DLGAP1: variants seen among roughly 807,000 people sequenced by gnomAD.
The protein encoded by DLGAP1 is disks large-associated protein 1.
Under a neutral mutation model 90.8 loss-of-function variants are expected in DLGAP1, and 11 were observed. The ratio of observed to expected loss-of-function variants is 0.12; its 90% CI spans 0.08 to 0.20. DLGAP1 has a LOEUF of 0.20. DLGAP1 is among the 10% of genes least tolerant of loss of function. The pLI, the probability that DLGAP1 is intolerant of heterozygous loss-of-function variation, is 1.00. For synonymous variants in DLGAP1, 558 were observed against 540.7 expected (o/e 1.03, Z -0.44); for missense variants, 1,050 against 1,333.8 (o/e 0.79, Z 3.31).
At chr18:3,838,304 ATTCT>A (rs1437245297) in intron 4 of DLGAP1, among the ~76,000 whole-genome samples, 2 of 152,232 alleles carry the variant, frequency 1.3e-5, no homozygotes, top group Non-Finnish European at 2.9e-5. Flanking sequence ...AGCTAATCAG[ATTCT>A]TTCAGTTGTT....
chr18:4,290,673 A>C (rs1484782553), intron 1 of DLGAP1, among the ~76,000 whole-genome samples: 3 of 152,202 alleles, frequency 2.0e-5, no homozygotes, highest in Admixed American at 2.0e-4. Flanking sequence ...ATAACAGTAA[A>C]ACAAGAAAAG....
chr18:3,847,397 T>G (rs1444752487), intron 4 of DLGAP1, among the ~76,000 whole-genome samples: 1 of 152,134 alleles, frequency 6.6e-6, no homozygotes, highest in African/African-American at 2.4e-5. Context: ...TGTGCCGGTG[T>G]TTTATCATGG....
intron 1 of DLGAP1, among the ~76,000 whole-genome samples, chr18:4,221,876 C>CT (rs1481490964): frequency 6.6e-6 from 1 of 152,158 alleles, no homozygotes; most frequent in East Asian, 1.9e-4. Context: ...GTGACTTTAG[C>CT]TGATCTCTCT....
chr18:4,127,592 G>A (rs1011111960), intron 2 of DLGAP1, among the ~76,000 whole-genome samples: 1 of 152,114 alleles, frequency 6.6e-6, no homozygotes, highest in Non-Finnish European at 1.5e-5. Flanking sequence ...CAGTTGACTT[G>A]ATAATGATTT....
At chr18:4,174,225 G>A (rs1202781983) in intron 1 of DLGAP1, among the ~76,000 whole-genome samples, 1 of 152,162 alleles carries the variant, frequency 6.6e-6, no homozygotes, top group South Asian at 2.1e-4. Context: ...GGCCCAAGAA[G>A]GAGCTTCCCA....
chr18:4,358,168 T>C (rs1187054855), intron 1 of DLGAP1, among the ~76,000 whole-genome samples: 1 of 152,200 alleles, frequency 6.6e-6, no homozygotes, highest in Non-Finnish European at 1.5e-5. Flanking sequence ...ATGAAGTCGA[T>C]ATTTGAGAGT....
intron 1 of DLGAP1, among the ~76,000 whole-genome samples, chr18:4,279,393 T>C (rs1429748958): frequency 2.0e-5 from 3 of 152,248 alleles, no homozygotes; most frequent in Admixed American, 6.5e-5. Context: ...CCAAGTAATA[T>C]GTTTTTGCAG....
chr18:3,824,721 C>A (rs949583967), intron 4 of DLGAP1, among the ~76,000 whole-genome samples: 3 of 152,176 alleles, frequency 2.0e-5, no homozygotes, highest in Admixed American at 6.5e-5. Flanking sequence ...CTCAGAGCCT[C>A]CTGCTTCTCG....
At chr18:3,764,032 G>A (rs1178230981) in intron 5 of DLGAP1, among the ~76,000 whole-genome samples, 1 of 152,164 alleles carries the variant, frequency 6.6e-6, no homozygotes, top group African/African-American at 2.4e-5. Context: ...CAGCTAATGT[G>A]ATGAGAAAAG....
At chr18:4,281,613 C>T (rs1343091063) in intron 1 of DLGAP1, among the ~76,000 whole-genome samples, 2 of 152,136 alleles carry the variant, frequency 1.3e-5, no homozygotes, top group Non-Finnish European at 2.9e-5. Context: ...TGCAATAATT[C>T]GCTTTCATTT....
At chr18:4,278,953 C>A (rs1163266163) in intron 1 of DLGAP1, among the ~76,000 whole-genome samples, 4 of 152,190 alleles carry the variant, frequency 2.6e-5, no homozygotes, top group African/African-American at 9.6e-5. Flanking sequence ...AATACCTCTT[C>A]CTCTACAAAG....
At chr18:4,050,626 C>G (rs1383163870) in intron 2 of DLGAP1, among the ~76,000 whole-genome samples, 3 of 152,178 alleles carry the variant, frequency 2.0e-5, no homozygotes, top group Non-Finnish European at 4.4e-5. Context: ...CAGTTATTGC[C>G]ATCTATATTT....
At chr18:4,357,157 C>CTTTTTTTTTT (rs554248097) in intron 1 of DLGAP1, among the ~76,000 whole-genome samples, 10 of 108,742 alleles carry the variant, frequency 9.2e-5, no homozygotes, top group East Asian at 5.8e-4. Flanking sequence ...TGTTTTTTTC[C>CTTTTTTTTTT]TTTTTTTTTT....
At chr18:4,230,205 CA>C (rs1405243545) in intron 1 of DLGAP1, among the ~76,000 whole-genome samples, 2 of 152,038 alleles carry the variant, frequency 1.3e-5, no homozygotes, top group Non-Finnish European at 2.9e-5. Context: ...AGTACAACCA[CA>C]ATGGAAAACA....
intron 7 of DLGAP1, among the ~76,000 whole-genome samples, chr18:3,728,401 T>C (rs2062275497): frequency 6.6e-6 from 1 of 151,532 alleles, no homozygotes; most frequent in Admixed American, 6.6e-5. Context: ...CATTGTCATA[T>C]ATAGCCCACG....
At chr18:3,826,794 G>A (rs1369559332) in intron 4 of DLGAP1, among the ~76,000 whole-genome samples, 1 of 152,182 alleles carries the variant, frequency 6.6e-6, no homozygotes, top group Non-Finnish European at 1.5e-5. Flanking sequence ...TTGCTAAGTT[G>A]AGAATGGCTC....
chr18:4,436,897 T>G (rs1034886900), intron 1 of DLGAP1, among the ~76,000 whole-genome samples: 1 of 152,210 alleles, frequency 6.6e-6, no homozygotes, highest in Non-Finnish European at 1.5e-5. Flanking sequence ...AACAAAGTCC[T>G]ATTTATGCCA....
At chr18:4,187,856 G>T (rs952847989) in intron 1 of DLGAP1, among the ~76,000 whole-genome samples, 3 of 151,838 alleles carry the variant, frequency 2.0e-5, no homozygotes, top group African/African-American at 7.3e-5. Flanking sequence ...AATTAGCCAG[G>T]TGTGGTGGTG....
chr18:3,887,483 C>A (rs1429714079), intron 3 of DLGAP1, among the ~76,000 whole-genome samples: 1 of 152,164 alleles, frequency 6.6e-6, no homozygotes, highest in Admixed American at 6.5e-5. Flanking sequence ...GCAATGATTT[C>A]TTGCAAGAGC....
Sources: gnomAD v4.1 joint callset for allele counts (sites outside exome capture counted in the v4.1 genomes callset) on GRCh38, gnomAD v4.1.1 for gene constraint, MANE v1.5 for transcripts, NCBI Gene and HGNC (gene_info 2026-07-23, HGNC 2026-07-21) for gene names.